Variants in LARGE1 observed in about 807,000 individuals in gnomAD.
The protein encoded by LARGE1 is xylosyl- and glucuronyltransferase LARGE1.
LARGE1 carries 43 observed loss-of-function variants against 87.6 expected under a neutral mutation model. The ratio of observed to expected loss-of-function variants is 0.49; its 90% CI spans 0.38 to 0.63. The LOEUF is 0.63. Among genes scored for constraint, LARGE1 ranks in the 30% least tolerant of loss-of-function variants. LARGE1 has a pLI of 0.00. For synonymous variants in LARGE1, 434 were observed against 394.6 expected, an observed-to-expected ratio of 1.10 and a Z score of -1.18; for missense variants, 802 against 1,000.2, an observed-to-expected ratio of 0.80 and a Z score of 2.67.
chr22:33,513,670 T>G (rs984826596), intron 6 of LARGE1, among the ~76,000 whole-genome samples: 3 of 152,202 alleles, frequency 2.0e-5, no homozygotes, highest in African/African-American at 7.2e-5. Flanking sequence ...ATAGAACCCT[T>G]GAGTTGGAAG....
chr22:33,886,105 A>G (rs559434930), intron 1 of LARGE1, among the ~76,000 whole-genome samples: 1 of 152,160 alleles, frequency 6.6e-6, no homozygotes, highest in Non-Finnish European at 1.5e-5. Context: ...CCCTCCTGTG[A>G]GCATCTCAGG....
At chr22:33,753,857 C>T (rs1177653605) in intron 2 of LARGE1, among the ~76,000 whole-genome samples, 1 of 152,012 alleles carries the variant, frequency 6.6e-6, no homozygotes, top group Non-Finnish European at 1.5e-5. Context: ...GTCAGGAGTT[C>T]AAGACCAGCC....
chr22:33,409,567 T>C (rs2066231335), intron 7 of LARGE1, among the ~76,000 whole-genome samples: 1 of 152,026 alleles, frequency 6.6e-6, no homozygotes, highest in Admixed American at 6.6e-5. Flanking sequence ...GAGTCCAGCA[T>C]GGGGTGTGAC....
intron 11 of LARGE1, among the ~76,000 whole-genome samples, chr22:33,265,883 G>A (rs1263057692): frequency 6.6e-6 from 1 of 151,756 alleles, no homozygotes; most frequent in East Asian, 1.9e-4. Context: ...GTTAGAAAAT[G>A]CAGAATCGCA....
At chr22:33,214,219 T>G (rs1283917951) in intron 11 of LARGE1, among the ~76,000 whole-genome samples, 4 of 152,026 alleles carry the variant, frequency 2.6e-5, no homozygotes, top group Non-Finnish European at 2.9e-5. Context: ...CATGGTTCCT[T>G]TCTTCTGGGG....
intron 1 of LARGE1, among the ~76,000 whole-genome samples, chr22:33,839,868 C>T (rs1010214764): frequency 3.3e-5 from 5 of 152,178 alleles, no homozygotes; most frequent in African/African-American, 1.2e-4. Flanking sequence ...GAACTATGCC[C>T]CTCATTGTTC....
At chr22:33,661,215 T>C (rs971549755) in intron 2 of LARGE1, among the ~76,000 whole-genome samples, 1 of 129,270 alleles carries the variant, frequency 7.7e-6, no homozygotes, top group Non-Finnish European at 1.5e-5. Context: ...AAAGGTTCTA[T>C]GATTTTTTTT....
chr22:33,234,346 C>T (rs374995388), intron 11 of LARGE1, among the ~76,000 whole-genome samples: 1 of 152,158 alleles, frequency 6.6e-6, no homozygotes, highest in African/African-American at 2.4e-5. Context: ...GGGAACAATC[C>T]TACCTGTCAT....
At chr22:33,728,576 A>ACAAAC (rs777309967) in intron 2 of LARGE1, among the ~76,000 whole-genome samples, 2 of 103,764 alleles carry the variant, frequency 1.9e-5, no homozygotes, top group South Asian at 3.6e-4. Flanking sequence ...AAAAAAAAAA[A>ACAAAC]AAACCAACAA....
At chr22:33,466,610 C>T (rs1268530570) in intron 6 of LARGE1, among the ~76,000 whole-genome samples, 1 of 151,932 alleles carries the variant, frequency 6.6e-6, no homozygotes, top group African/African-American at 2.4e-5. Flanking sequence ...ATCAAACACC[C>T]ACTATCCCAA....
intron 1 of LARGE1, among the ~76,000 whole-genome samples, chr22:33,854,013 C>G (rs188839078): frequency 6.6e-6 from 1 of 152,008 alleles, no homozygotes; most frequent in African/African-American, 2.4e-5. Context: ...ATGCCCAGAC[C>G]GGCCATACCA....
At chr22:33,689,782 C>T (rs1338309559) in intron 2 of LARGE1, among the ~76,000 whole-genome samples, 1 of 151,926 alleles carries the variant, frequency 6.6e-6, no homozygotes, top group African/African-American at 2.4e-5. Context: ...AAAAAATTAT[C>T]CAGGCATGGT....
chr22:33,504,036 T>C (rs1181452408), intron 6 of LARGE1, among the ~76,000 whole-genome samples: 1 of 152,168 alleles, frequency 6.6e-6, no homozygotes. Context: ...CCACATGTTG[T>C]ATATTATTAC....
intron 1 of LARGE1, among the ~76,000 whole-genome samples, chr22:33,863,857 A>C (rs1211926014): frequency 2.0e-5 from 3 of 152,192 alleles, no homozygotes; most frequent in African/African-American, 7.2e-5. Flanking sequence ...ACTAAAAGTA[A>C]CCCAGGGTTT....
chr22:33,881,678 T>C (rs2064687891), intron 1 of LARGE1, among the ~76,000 whole-genome samples: 1 of 152,232 alleles, frequency 6.6e-6, no homozygotes, highest in Admixed American at 6.5e-5. Context: ...ATACAGAATA[T>C]AGACCCATGG....
At chr22:33,483,565 C>T (rs2069427798) in intron 6 of LARGE1, among the ~76,000 whole-genome samples, 1 of 152,020 alleles carries the variant, frequency 6.6e-6, no homozygotes, top group Admixed American at 6.6e-5. Flanking sequence ...CAGCTCTAGG[C>T]ATTTAAGGAA....
Position 33,487,508 on chromosome 22 carries a change from T to A in LARGE1, c.788-55243A>T, listed in dbSNP as rs556442964. On this transcript the variant is annotated intron_variant, in intron 6 of 14. Coordinates refer to ENST00000397394, the MANE Select transcript of LARGE1 (RefSeq NM_133642.5). ...CATGAGTTTCTCAAGGCAGGACCTT[T>A]GGAGAGCCCTTCAGTTGTAAAGGCA... is the stretch of plus-strand genomic sequence containing the variant. Among the ~76,000 whole-genome samples, 4 of 152,234 alleles carry A rather than the reference T, an allele frequency of 2.6e-5. No individual in the cohort carries two copies. In the East Asian group the frequency reaches 5.8e-4, roughly 22 times the overall value.
chr22:33,672,080 C>T (rs1246263040), intron 2 of LARGE1, among the ~76,000 whole-genome samples: 3 of 152,234 alleles, frequency 2.0e-5, no homozygotes, highest in African/African-American at 7.2e-5. Context: ...TAGGAAACAG[C>T]TACATATTAG....
At chr22:33,287,486 T>C (rs1931760379) in intron 12 of LARGE1, among the ~76,000 whole-genome samples, 1 of 152,210 alleles carries the variant, frequency 6.6e-6, no homozygotes, top group Non-Finnish European at 1.5e-5. Context: ...TAGGTTTCAA[T>C]ACCGATGTCC....
Sources: allele counts gnomAD v4.1 joint callset (sites outside exome capture counted in the v4.1 genomes callset), GRCh38; gene constraint gnomAD v4.1.1; transcripts MANE v1.5; gene names NCBI Gene and HGNC (gene_info 2026-07-23, HGNC 2026-07-21).